SMIM36: variants seen among roughly 807,000 people sequenced by gnomAD.
The protein encoded by SMIM36 is small integral membrane protein 36.
intron 3 of SMIM36, among the ~76,000 whole-genome samples, chr17:55,467,649 G>A (rs1909264955): frequency 6.6e-6 from 1 of 152,136 alleles, no homozygotes; most frequent in African/African-American, 2.4e-5. Flanking sequence ...GCCTGCCACG[G>A]CCTCCCAAAG....
chr17:55,468,910 C>G (rs1214942409), intron 3 of SMIM36, among the ~76,000 whole-genome samples: 1 of 152,154 alleles, frequency 6.6e-6, no homozygotes, highest in Non-Finnish European at 1.5e-5. Context: ...ATTTGTCCAT[C>G]CTACAAGATC....
At chr17:55,522,951 C>G in the SMIM36 span, among the ~76,000 whole-genome samples, 1 of 152,112 alleles carries the variant, frequency 6.6e-6, no homozygotes, top group Non-Finnish European at 1.5e-5. Flanking sequence ...AAGCCGTTCA[C>G]AAACACATCT....
the SMIM36 span, chr17:55,527,595 CTA>C: frequency 2.0e-5 from 3 of 152,124 alleles, no homozygotes; most frequent in Non-Finnish European, 4.4e-5. Flanking sequence ...GAGGGTGACA[CTA>C]TAGGCAATTT....
At chr17:55,459,480 C>G (rs1035285304) in intron 4 of SMIM36, among the ~76,000 whole-genome samples, 1 of 152,172 alleles carries the variant, frequency 6.6e-6, no homozygotes, top group Non-Finnish European at 1.5e-5. Context: ...GTTGGCATAA[C>G]TATCCTTGCC....
chr17:55,461,048 A>T (rs1028837500), intron 4 of SMIM36, among the ~76,000 whole-genome samples: 1 of 152,176 alleles, frequency 6.6e-6, no homozygotes, highest in Non-Finnish European at 1.5e-5. Flanking sequence ...GGCCTTGCAC[A>T]GACTGAAGGT....
chr17:55,498,782 T>C (rs1909855758), intron 1 of SMIM36, among the ~76,000 whole-genome samples: 1 of 151,430 alleles, frequency 6.6e-6, no homozygotes, highest in Non-Finnish European at 1.5e-5. Flanking sequence ...GTGGATCACT[T>C]GAGGTCAGGA....
At chr17:55,487,957 C>G (rs549245026) in intron 1 of SMIM36, among the ~76,000 whole-genome samples, 1 of 152,278 alleles carries the variant, frequency 6.6e-6, no homozygotes, top group East Asian at 1.9e-4. Context: ...CTAGCTGAGT[C>G]TGATGGGAAG....
the SMIM36 span, among the ~76,000 whole-genome samples, chr17:55,530,838 G>A: frequency 6.6e-6 from 1 of 152,100 alleles, no homozygotes; most frequent in East Asian, 1.9e-4. Flanking sequence ...TTCTTATTTG[G>A]GAATTGTCTG....
rs140486761 is a variant in SMIM36 at position 55,500,638 on chromosome 17, T to C, written c.*174+10241A>G. ...TTTTTTCCGAGAGAGAAATATAAAATGTTCAATGCATCTAATATTGAAGTT... is the reference window on the plus strand; with the variant it reads ...TTTTTTCCGAGAGAGAAATATAAAACGTTCAATGCATCTAATATTGAAGTT... On this transcript the variant is annotated intron_variant, in intron 1 of 4. Transcript: ENST00000636752. 3.9e-3 allele frequency among the ~76,000 whole-genome samples: 586 copies of C among 150,544 alleles called. 4 individuals are homozygous for C. The highest frequency in any genetic ancestry group is 0.014 in the African/African-American group (565 of 41,078).
intron 1 of SMIM36, among the ~76,000 whole-genome samples, chr17:55,508,929 A>C (rs902690118): frequency 7.0e-5 from 2 of 28,484 alleles, no homozygotes; most frequent in Non-Finnish European, 1.3e-4. Flanking sequence ...GTCTCAGAAC[A>C]AAAAAAAAAA....
intron 4 of SMIM36, among the ~76,000 whole-genome samples, chr17:55,456,223 T>C (rs9914970): frequency 0.73 from 111,216 of 151,518 alleles, 41,530 homozygotes; most frequent in Middle Eastern, 0.81. Flanking sequence ...GGGACTCTTT[T>C]GCTTCTTCTC....
intron 3 of SMIM36, among the ~76,000 whole-genome samples, chr17:55,471,221 C>A (rs901109085): frequency 6.6e-6 from 1 of 152,182 alleles, no homozygotes; most frequent in African/African-American, 2.4e-5. Flanking sequence ...CAGGGACAGG[C>A]CACACTACTT....
At chr17:55,520,662 C>T in the SMIM36 span, among the ~76,000 whole-genome samples, 1 of 152,108 alleles carries the variant, frequency 6.6e-6, no homozygotes, top group African/African-American at 2.4e-5. Flanking sequence ...GAGATTGCAT[C>T]AGGATGCTCA....
At chr17:55,489,228 A>C (rs1909659903) in intron 1 of SMIM36, among the ~76,000 whole-genome samples, 1 of 152,228 alleles carries the variant, frequency 6.6e-6, no homozygotes, top group South Asian at 2.1e-4. Context: ...AAATACAAAA[A>C]TTAGCTAAGC....
intron 4 of SMIM36, among the ~76,000 whole-genome samples, chr17:55,463,592 G>A (rs1314745270): frequency 1.3e-5 from 2 of 152,100 alleles, no homozygotes; most frequent in Non-Finnish European, 2.9e-5. Context: ...TGAAAGTTAC[G>A]TAAATGTGGT....
chr17:55,510,163 CAAGT>C, intron 1 of SMIM36, among the ~76,000 whole-genome samples: 1 of 152,064 alleles, frequency 6.6e-6, no homozygotes, highest in South Asian at 2.1e-4. Flanking sequence ...ACACAGCTAG[CAAGT>C]AGAAGAGGCA....
At chr17:55,465,731 G>A (rs938946113) in intron 4 of SMIM36, among the ~76,000 whole-genome samples, 22 of 152,194 alleles carry the variant, frequency 1.4e-4, no homozygotes, top group African/African-American at 4.8e-4. Flanking sequence ...GTCTTAGAAT[G>A]GTATAGAGGA....
intron 1 of SMIM36, among the ~76,000 whole-genome samples, chr17:55,501,439 T>A (rs1197806239): frequency 6.0e-4 from 44 of 73,508 alleles, no homozygotes; most frequent in African/African-American, 2.2e-3. Flanking sequence ...TATTATATAT[T>A]ATAAAATATA....
chr17:55,456,964 C>G (rs187868534), intron 4 of SMIM36, among the ~76,000 whole-genome samples: 2 of 152,242 alleles, frequency 1.3e-5, no homozygotes, highest in Admixed American at 6.5e-5. Context: ...TTGATAAATC[C>G]TACATAGCAG....
Sources: allele counts gnomAD v4.1 joint callset (sites outside exome capture counted in the v4.1 genomes callset), GRCh38; gene constraint gnomAD v4.1.1; transcripts MANE v1.5; gene names NCBI Gene and HGNC (gene_info 2026-07-23, HGNC 2026-07-21).